AGBL1: variants seen among roughly 807,000 people sequenced by gnomAD.
The protein encoded by AGBL1 is cytosolic carboxypeptidase 4.
AGBL1 carries 130 observed loss-of-function variants against 118.9 expected under a neutral mutation model. The ratio of observed to expected loss-of-function variants is 1.09; its 90% CI spans 0.95 to 1.26. AGBL1 has a LOEUF of 1.26. Among genes scored for constraint, AGBL1 ranks in the 50% most tolerant of loss-of-function variants. AGBL1 has a pLI of 0.00. For synonymous variants in AGBL1, 555 were observed against 478.9 expected, an observed-to-expected ratio of 1.16 and a Z score of -2.08; for missense variants, 1,584 against 1,298.1, an observed-to-expected ratio of 1.22 and a Z score of -3.38.
At chr15:86,777,305 TG>T in intron 22 of AGBL1, among the ~76,000 whole-genome samples, 1 of 152,100 alleles carries the variant, frequency 6.6e-6, no homozygotes, top group South Asian at 2.1e-4. Flanking sequence ...AATTACTTAC[TG>T]GTGAAATACT....
At chr15:86,698,123 C>G (rs1013042078) in intron 22 of AGBL1, among the ~76,000 whole-genome samples, 3 of 151,912 alleles carry the variant, frequency 2.0e-5, no homozygotes, top group African/African-American at 4.8e-5. Context: ...TTTTCCTACC[C>G]CTTCTTTCTC....
intron 22 of AGBL1, among the ~76,000 whole-genome samples, chr15:86,885,607 T>A (rs1473756140): frequency 1.3e-5 from 2 of 152,206 alleles, no homozygotes; most frequent in Non-Finnish European, 2.9e-5. Flanking sequence ...ATGGCCATGC[T>A]ACCTGACTGT....
At chr15:86,624,911 C>A (rs548431623) in intron 21 of AGBL1, among the ~76,000 whole-genome samples, 1 of 152,138 alleles carries the variant, frequency 6.6e-6, no homozygotes, top group Non-Finnish European at 1.5e-5. Context: ...TAGAATGTCA[C>A]GGCTGCCAGG....
intron 5 of AGBL1, among the ~76,000 whole-genome samples, chr15:86,183,174 T>G (rs553191056): frequency 2.6e-5 from 4 of 152,238 alleles, no homozygotes; most frequent in Admixed American, 6.5e-5. Context: ...TATCAGAGAG[T>G]TCTAAATATT....
intron 18 of AGBL1, among the ~76,000 whole-genome samples, chr15:86,410,775 A>G (rs916541371): frequency 8.2e-6 from 1 of 121,958 alleles, no homozygotes; most frequent in Non-Finnish European, 1.6e-5. Context: ...GAAATTCTAA[A>G]TTTTGCAGAG....
intron 19 of AGBL1, among the ~76,000 whole-genome samples, chr15:86,535,816 C>T (rs948243360): frequency 1.3e-5 from 2 of 152,232 alleles, no homozygotes; most frequent in South Asian, 2.1e-4. Flanking sequence ...CTTTCTATAA[C>T]CCTTGTCGCC....
chr15:86,628,862 T>G (rs2142430257), intron 21 of AGBL1, among the ~76,000 whole-genome samples: 1 of 152,298 alleles, frequency 6.6e-6, no homozygotes, highest in South Asian at 2.1e-4. Flanking sequence ...GAGGTACAAT[T>G]GACAAATAAA....
At chr15:86,562,455 G>C (rs1015184980) in intron 21 of AGBL1, among the ~76,000 whole-genome samples, 1 of 152,088 alleles carries the variant, frequency 6.6e-6, no homozygotes, top group African/African-American at 2.4e-5. Flanking sequence ...TTATTGATTT[G>C]CATATGTTGG....
chr15:86,707,506 A>G (rs2086473747), intron 22 of AGBL1, among the ~76,000 whole-genome samples: 1 of 152,138 alleles, frequency 6.6e-6, no homozygotes, highest in African/African-American at 2.4e-5. Context: ...CACACACCAC[A>G]TCCCTCATGT....
chr15:86,438,655 C>T (rs1250634112), intron 18 of AGBL1, among the ~76,000 whole-genome samples: 3 of 135,104 alleles, frequency 2.2e-5, no homozygotes, highest in East Asian at 2.7e-4. Context: ...GATAATCTGT[C>T]TCTTTTTTTT....
chr15:86,565,830 G>A lies in AGBL1; in HGVS notation c.2994+11293G>A, dbSNP rs145175467. 3.7e-3 allele frequency among the ~76,000 whole-genome samples: 566 copies of A among 152,304 alleles called. 3 individuals carry two copies. Among genetic ancestry groups the A allele is most frequent in the African/African-American group, 0.013 (522 of 41,564 alleles). Reference sequence around the variant, plus strand: ...TTTACCTACTCAAGCCTCAGCAATGGTGGGTGCCCCTCCCCCAGCCTCGCT... The same window carrying A: ...TTTACCTACTCAAGCCTCAGCAATGATGGGTGCCCCTCCCCCAGCCTCGCT... On this transcript the variant is annotated intron_variant, in intron 21 of 22. Transcript: ENST00000614907.
intron 1 of AGBL1, among the ~76,000 whole-genome samples, chr15:86,119,705 G>C (rs1423252223): frequency 2.0e-5 from 3 of 152,054 alleles, no homozygotes; most frequent in Non-Finnish European, 4.4e-5. Context: ...TTGCACGTTT[G>C]TCTGTATGTG....
intron 21 of AGBL1, among the ~76,000 whole-genome samples, chr15:86,609,442 C>T (rs1009590992): frequency 6.6e-6 from 1 of 152,166 alleles, no homozygotes; most frequent in Non-Finnish European, 1.5e-5. Context: ...ATGCACACTT[C>T]ATTTACTGCT....
Position 86,286,647 on chromosome 15 carries a change from G to A in AGBL1, c.2220+6864G>A, listed in dbSNP as rs888894108. On this transcript the variant is annotated intron_variant, in intron 16 of 22. Transcript: ENST00000614907. ...GTTGTTGCAAATGACAGAATTTCCT[G>A]CTTTTTAAGACTGAATAGTAATCCA... Among the ~76,000 whole-genome samples, 3 of 150,548 alleles carry A rather than the reference G, an allele frequency of 2.0e-5. No homozygotes were observed. In the South Asian group the frequency reaches 6.3e-4, roughly 32 times the overall value.
intron 21 of AGBL1, among the ~76,000 whole-genome samples, chr15:86,569,867 A>G (rs2083977032): frequency 6.6e-6 from 1 of 152,224 alleles, no homozygotes; most frequent in African/African-American, 2.4e-5. Flanking sequence ...GGATAATCCT[A>G]TGAGCCTCAA....
chr15:86,359,826 T>C (rs190527171), intron 17 of AGBL1, among the ~76,000 whole-genome samples: 1 of 151,956 alleles, frequency 6.6e-6, no homozygotes, highest in African/African-American at 2.4e-5. Flanking sequence ...CTATTATGAG[T>C]GGGGTTCTTT....
At chr15:86,548,816 T>A (rs1228150734) in intron 20 of AGBL1, among the ~76,000 whole-genome samples, 1 of 152,018 alleles carries the variant, frequency 6.6e-6, no homozygotes, top group Non-Finnish European at 1.5e-5. Context: ...GGATAAATTA[T>A]AAAGAAAAGA....
At chr15:86,445,725 A>G (rs1837765755) in intron 18 of AGBL1, among the ~76,000 whole-genome samples, 1 of 152,320 alleles carries the variant, frequency 6.6e-6, no homozygotes, top group South Asian at 2.1e-4. Flanking sequence ...TCATCCATTT[A>G]TCAGGCACAA....
chr15:86,161,941 A>C (rs2077271845), intron 5 of AGBL1, among the ~76,000 whole-genome samples: 1 of 152,236 alleles, frequency 6.6e-6, no homozygotes. Context: ...AATAACAAAT[A>C]ATGTGTAAAG....
Sources: allele counts gnomAD v4.1 joint callset (sites outside exome capture counted in the v4.1 genomes callset), GRCh38; gene constraint gnomAD v4.1.1; transcripts MANE v1.5; gene names NCBI Gene and HGNC (gene_info 2026-07-23, HGNC 2026-07-21).